The following C4orf36 variants were observed in gnomAD, a reference collection of about 807,000 sequenced individuals.
C4orf36 encodes the protein uncharacterized protein C4orf36.
In C4orf36, 11 loss-of-function variants were observed where a neutral mutation model predicts 12.2. The observed-to-expected ratio is 0.90, with a 90% CI of 0.57 to 1.49. The LOEUF (loss-of-function observed/expected upper bound fraction) is 1.49, where lower values mean the gene tolerates loss of function less well. Among genes scored for constraint, C4orf36 ranks in the 40% most tolerant of loss-of-function variants. The pLI is 0.00. For missense variants in C4orf36, 137 were observed against 133.9 expected, an observed-to-expected ratio of 1.02 and a Z score of -0.11; for synonymous variants, 54 against 51.3, an observed-to-expected ratio of 1.05 and a Z score of -0.22.
chr4:86,878,283 G>A (rs1746973163), intron 4 of C4orf36, among the ~76,000 whole-genome samples: 2 of 152,086 alleles, frequency 1.3e-5, no homozygotes, highest in Non-Finnish European at 2.9e-5. Flanking sequence ...TGGCTTCACT[G>A]GACCATTTTG....
chr4:86,927,604 C>A, the C4orf36 span, among the ~76,000 whole-genome samples: 1 of 151,912 alleles, frequency 6.6e-6, no homozygotes, highest in African/African-American at 2.4e-5. Context: ...ACCAGCCTGG[C>A]CAAAATGCAA....
the C4orf36 span, among the ~76,000 whole-genome samples, chr4:86,923,584 C>T: frequency 2.6e-5 from 4 of 151,906 alleles, no homozygotes; most frequent in African/African-American, 9.7e-5. Context: ...GTGGTGAAAC[C>T]CTGTCTCTAC....
chr4:86,908,218 C>CACACACACACACACAT, the C4orf36 span, among the ~76,000 whole-genome samples: 2 of 148,596 alleles, frequency 1.3e-5, no homozygotes, highest in East Asian at 2.0e-4. Flanking sequence ...CACACACACA[C>CACACACACACACACAT]GTTGCTGGTG....
At chr4:86,897,315 C>T (rs1456819853), upstream of C4orf36, among the ~76,000 whole-genome samples, 3 of 152,082 alleles carry the variant, frequency 2.0e-5, no homozygotes, top group Middle Eastern at 3.4e-3. Flanking sequence ...GAGCTGAGAT[C>T]GTACCACTGC....
chr4:86,918,948 C>T, the C4orf36 span, among the ~76,000 whole-genome samples: 23 of 152,198 alleles, frequency 1.5e-4, no homozygotes, highest in African/African-American at 5.3e-4. Context: ...GGTAGTGTGA[C>T]TCAGTCCAAG....
the C4orf36 span, chr4:86,925,142 C>A: frequency 6.6e-6 from 1 of 152,208 alleles, no homozygotes; most frequent in Non-Finnish European, 1.5e-5. Flanking sequence ...CACCTCCCAC[C>A]AGGCCCCACC....
the C4orf36 span, chr4:86,914,728 TG>T: frequency 2.4e-6 from 1 of 419,562 alleles, no homozygotes; most frequent in Non-Finnish European, 4.6e-6. Flanking sequence ...GTGCACTTGG[TG>T]ATTATTGGAA....
At chr4:86,929,068 T>C in the C4orf36 span, among the ~76,000 whole-genome samples, 1 of 152,222 alleles carries the variant, frequency 6.6e-6, no homozygotes, top group African/African-American at 2.4e-5. Flanking sequence ...AGCCTAGCAC[T>C]GAGCAAGACA....
At chr4:86,928,603 A>G in the C4orf36 span, among the ~76,000 whole-genome samples, 11 of 152,312 alleles carry the variant, frequency 7.2e-5, no homozygotes, top group African/African-American at 2.6e-4. Context: ...TCTATCTCTG[A>G]CTTGGGGTTG....
chr4:86,930,612 A>G, the C4orf36 span, among the ~76,000 whole-genome samples: 2 of 152,248 alleles, frequency 1.3e-5, no homozygotes, highest in South Asian at 2.1e-4. Flanking sequence ...TTGTGCTCAC[A>G]TTGTGTTTTG....
the C4orf36 span, among the ~76,000 whole-genome samples, chr4:86,899,584 G>A: frequency 1.3e-5 from 2 of 152,298 alleles, no homozygotes; most frequent in African/African-American, 2.4e-5. Flanking sequence ...GCACTTTCAA[G>A]AGGCAGTGGT....
chr4:86,931,493 G>T, the C4orf36 span, among the ~76,000 whole-genome samples: 1 of 151,964 alleles, frequency 6.6e-6, no homozygotes, highest in Non-Finnish European at 1.5e-5. Context: ...CGACCTCCAG[G>T]GCTCAAGTTA....
chr4:86,933,247 A>C, the C4orf36 span: 3 of 152,040 alleles, frequency 2.0e-5, no homozygotes, highest in Non-Finnish European at 4.4e-5. Flanking sequence ...GAAATAAATC[A>C]ACAGAAGTGT....
At chr4:86,929,086 A>AT in the C4orf36 span, among the ~76,000 whole-genome samples, 3 of 152,016 alleles carry the variant, frequency 2.0e-5, no homozygotes, top group African/African-American at 7.2e-5. Flanking sequence ...ACATAGATTT[A>AT]TTTTTTCTTT....
chr4:86,890,371 G>C (rs953981815), intron 2 of C4orf36, among the ~76,000 whole-genome samples: 1 of 151,978 alleles, frequency 6.6e-6, no homozygotes, highest in African/African-American at 2.4e-5. Flanking sequence ...TATTAGGAAG[G>C]GGTGGGCAGA....
chr4:86,903,279 A>T, the C4orf36 span, among the ~76,000 whole-genome samples: 1 of 152,192 alleles, frequency 6.6e-6, no homozygotes, highest in East Asian at 1.9e-4. Context: ...TGGGAGGCCG[A>T]GGCCGGTGGA....
At chr4:86,926,839 G>A in the C4orf36 span, among the ~76,000 whole-genome samples, 1 of 152,142 alleles carries the variant, frequency 6.6e-6, no homozygotes, top group Non-Finnish European at 1.5e-5. Context: ...TATGTTTTAT[G>A]CATTATCATT....
At chr4:86,891,107 T>C (rs1376954204) in intron 2 of C4orf36, among the ~76,000 whole-genome samples, 1 of 152,124 alleles carries the variant, frequency 6.6e-6, no homozygotes, top group Non-Finnish European at 1.5e-5. Flanking sequence ...TAAACAAAGT[T>C]TTTTTAAAGT....
At chr4:86,897,625 C>A in the C4orf36 span, among the ~76,000 whole-genome samples, 2 of 152,194 alleles carry the variant, frequency 1.3e-5, no homozygotes, top group Non-Finnish European at 2.9e-5. Flanking sequence ...TATTGCATGA[C>A]CAAAACAGAC....
Sources: gnomAD v4.1 joint callset for allele counts (sites outside exome capture counted in the v4.1 genomes callset) on GRCh38, gnomAD v4.1.1 for gene constraint, MANE v1.5 for transcripts, NCBI Gene and HGNC (gene_info 2026-07-23, HGNC 2026-07-21) for gene names.